STK32B: variants seen among roughly 807,000 people sequenced by gnomAD.
The protein encoded by STK32B is serine/threonine-protein kinase 32B.
In STK32B, 43 loss-of-function variants were observed where a neutral mutation model predicts 52.6. The observed-to-expected ratio is 0.82, with a 90% CI of 0.64 to 1.05. The LOEUF (loss-of-function observed/expected upper bound fraction) is 1.05. STK32B is among the 50% of genes least tolerant of loss of function. The pLI is 0.00. For synonymous variants in STK32B, 238 were observed against 204.3 expected, an observed-to-expected ratio of 1.17 and a Z score of -1.41; for missense variants, 621 against 534.6, an observed-to-expected ratio of 1.16 and a Z score of -1.59.
intron 11 of STK32B, 143 bp downstream of exon 11, chr4:5,468,213 G>C (rs1019078058): frequency 1.3e-6 from 1 of 782,026 alleles, no homozygotes; most frequent in Non-Finnish European, 2.1e-6. Context: ...CAGGGCTCTG[G>C]TGGGGGGTGA....
At chr4:5,437,793 T>C (rs551272501) in intron 6 of STK32B, 2 of 434,612 alleles carry the variant, frequency 4.6e-6, no homozygotes, top group South Asian at 9.7e-5. Flanking sequence ...TGTTCAGATA[T>C]GTGGTTCACA....
intron 2 of STK32B, among the ~76,000 whole-genome samples, chr4:5,148,411 C>G (rs1416761264): frequency 6.6e-6 from 1 of 151,772 alleles, no homozygotes; most frequent in Non-Finnish European, 1.5e-5. Flanking sequence ...GCTTAAGTTA[C>G]ACCCCCAAAA....
intron 3 of STK32B, among the ~76,000 whole-genome samples, chr4:5,201,006 T>A (rs1045422576): frequency 2.6e-5 from 4 of 152,160 alleles, no homozygotes; most frequent in Admixed American, 1.3e-4. Context: ...CTCAGAACCC[T>A]GTAAATGAAG....
At chr4:5,037,669 C>T in the STK32B span, among the ~76,000 whole-genome samples, 2,980 of 152,232 alleles carry the variant, frequency 0.02, 43 homozygotes, top group Middle Eastern at 0.037. Context: ...CCCTCTTTCC[C>T]GTCTGTGTTA....
intron 3 of STK32B, among the ~76,000 whole-genome samples, chr4:5,194,361 G>C (rs1038401113): frequency 1.3e-5 from 2 of 152,202 alleles, no homozygotes; most frequent in African/African-American, 4.8e-5. Context: ...AGTTCAGAAA[G>C]AACAGGGTGG....
the STK32B span, among the ~76,000 whole-genome samples, chr4:5,037,514 C>T: frequency 6.6e-6 from 1 of 152,150 alleles, no homozygotes; most frequent in Non-Finnish European, 1.5e-5. Flanking sequence ...TCTTCTGGTT[C>T]CCTAGCTGGA....
At chr4:5,440,719 C>T (rs1714652969) in intron 6 of STK32B, among the ~76,000 whole-genome samples, 1 of 152,180 alleles carries the variant, frequency 6.6e-6, no homozygotes, top group Non-Finnish European at 1.5e-5. Context: ...TTTGCCCATT[C>T]AGTATGATAT....
intron 5 of STK32B, among the ~76,000 whole-genome samples, chr4:5,402,327 CG>C (rs998746925): frequency 6.6e-5 from 10 of 152,176 alleles, no homozygotes; most frequent in Admixed American, 5.9e-4. Flanking sequence ...AGGCACAGGC[CG>C]GTGGGTTAGT....
chr4:5,048,776 T>G (rs1741665182), upstream of STK32B, among the ~76,000 whole-genome samples: 1 of 152,208 alleles, frequency 6.6e-6, no homozygotes, highest in Admixed American at 6.5e-5. Flanking sequence ...ACCATTTGAG[T>G]TGGCTTAGCC....
chr4:5,303,105 A>G (rs572315140), intron 3 of STK32B, among the ~76,000 whole-genome samples: 2 of 151,858 alleles, frequency 1.3e-5, no homozygotes, highest in East Asian at 1.9e-4. Context: ...GGCTGGTTCC[A>G]TGTTTTCACA....
intron 11 of STK32B, among the ~76,000 whole-genome samples, chr4:5,491,748 T>G (rs1198827009): frequency 2.6e-5 from 4 of 151,964 alleles, no homozygotes; most frequent in South Asian, 4.2e-4. Context: ...CTTGAATTAA[T>G]TTTTGTATAA....
intron 2 of STK32B, among the ~76,000 whole-genome samples, chr4:5,159,648 T>C (rs1360844856): frequency 1.0e-5 from 1 of 100,066 alleles, no homozygotes; most frequent in African/African-American, 5.2e-5. Flanking sequence ...TATGAATGTA[T>C]ATGAATATAT....
Position 5,460,365 on chromosome 4 carries a change from T to C in STK32B, c.909+137T>C, listed in dbSNP as rs560856633. ...TGAGCACCAAGGGCTTATGTCTTGC[T>C]GGAATTCAGGGTGAACTTGGGCCTG... On this transcript the variant is annotated intron_variant, in intron 9 of 11. Transcript: ENST00000282908. The surrounding 1 kb of genome is among the most constrained non-coding windows in gnomAD (Gnocchi z 4.8). 1.5e-6 allele frequency: 2 copies of C among 1,372,810 alleles called. No individual in the cohort carries two copies. The highest frequency in any genetic ancestry group is 2.8e-5 in the South Asian group (2 of 70,380). The allele number at this position is 1,372,810 out of a possible 1,614,324, so 85.0% of individuals were successfully genotyped here. A position where few individuals can be genotyped will look rare whatever the true frequency, so the allele number is the denominator to read the frequency against.
chr4:5,235,277 G>A (rs932156647), intron 3 of STK32B, among the ~76,000 whole-genome samples: 1 of 152,180 alleles, frequency 6.6e-6, no homozygotes, highest in African/African-American at 2.4e-5. Context: ...GCAGGCACTG[G>A]GCAGCAGAGT....
At chr4:5,447,874 C>T (rs1715611087) in intron 7 of STK32B, among the ~76,000 whole-genome samples, 2 of 152,202 alleles carry the variant, frequency 1.3e-5, no homozygotes, top group South Asian at 4.1e-4. Flanking sequence ...CAGTGCCCAG[C>T]ACAGAGCTGA....
chr4:5,345,286 T>C (rs2108976719), intron 4 of STK32B: 1 of 150,860 alleles, frequency 6.6e-6, no homozygotes, highest in South Asian at 2.1e-4. Flanking sequence ...ATTCAAATGT[T>C]ATAAATGAAA....
chr4:5,438,817 T>C (rs1285591693), intron 6 of STK32B, among the ~76,000 whole-genome samples: 2 of 152,174 alleles, frequency 1.3e-5, no homozygotes, highest in Non-Finnish European at 2.9e-5. Context: ...GTGATCTCAT[T>C]GTTCAATTCC....
At chr4:5,359,915 G>C (rs796539744) in intron 4 of STK32B, among the ~76,000 whole-genome samples, 1 of 152,222 alleles carries the variant, frequency 6.6e-6, no homozygotes, top group African/African-American at 2.4e-5. Context: ...AGAGTGGAAA[G>C]CTATTGCCAG....
chr4:5,132,089 T>A (rs534721317), intron 1 of STK32B, among the ~76,000 whole-genome samples: 85 of 152,328 alleles, frequency 5.6e-4, no homozygotes, highest in Non-Finnish European at 1.0e-3. Flanking sequence ...TCCATCTTGC[T>A]GCAAAGAACA....
Sources: gnomAD v4.1 joint callset for allele counts (sites outside exome capture counted in the v4.1 genomes callset) on GRCh38, gnomAD v4.1.1 for gene constraint, Gnocchi (gnomAD v3.1) non-coding constraint, MANE v1.5 for transcripts, NCBI Gene and HGNC (gene_info 2026-07-23, HGNC 2026-07-21) for gene names.